Variants in SHANK2 observed in about 807,000 individuals in gnomAD.
SHANK2 encodes the protein SH3 and multiple ankyrin repeat domains 2.
SHANK2 carries 43 observed loss-of-function variants against 133.7 expected under a neutral mutation model. The ratio of observed to expected loss-of-function variants is 0.32; its 90% CI spans 0.25 to 0.41. SHANK2 has a LOEUF of 0.41. Ranked by LOEUF, SHANK2 falls within the 10% of genes least tolerant of loss-of-function variation. The pLI, the probability that SHANK2 is intolerant of heterozygous loss-of-function variation, is 1.00. For synonymous variants in SHANK2, 1,017 were observed against 952.8 expected (o/e 1.07, Z -1.24); for missense variants, 1,994 against 2,235.8 (o/e 0.89, Z 2.18).
At chr11:71,212,969 G>C (rs1362029969) in intron 2 of SHANK2, among the ~76,000 whole-genome samples, 1 of 149,642 alleles carries the variant, frequency 6.7e-6, no homozygotes, top group African/African-American at 2.5e-5. Context: ...GAGGCACAGG[G>C]AGAGGAGCAG....
rs922528289 is a variant in SHANK2 at position 70,469,261 on chromosome 11, T to A, written c.*3608A>T. The A allele has an allele frequency of 6.6e-5, 10 of 152,462 alleles. No individual in the cohort carries two copies. Among genetic ancestry groups the A allele is most frequent in the African/African-American group, 2.4e-4 (10 of 41,456 alleles). 9.4% of individuals were successfully genotyped at this position (152,462 alleles called of 1,614,324 possible). A position where few individuals can be genotyped will look rare whatever the true frequency, so the allele number is the denominator to read the frequency against. On this transcript the variant is annotated 3_prime_UTR_variant, in exon 26 of 26. Coordinates refer to ENST00000601538, the MANE Select transcript of SHANK2 (RefSeq NM_012309.5). ...AATAAGGAAATGGAACCAAGGCAGATTAGCTCAGTGACAGGAGCCTGTTTA... is the reference window on the plus strand; with the variant it reads ...AATAAGGAAATGGAACCAAGGCAGAATAGCTCAGTGACAGGAGCCTGTTTA...
At chr11:71,131,148 A>G (rs1333519932) in intron 3 of SHANK2, among the ~76,000 whole-genome samples, 3 of 152,210 alleles carry the variant, frequency 2.0e-5, no homozygotes, top group Non-Finnish European at 4.4e-5. Flanking sequence ...AACCAACATC[A>G]AGGTCACCCC....
At chr11:70,748,303 C>T (rs892612109) in intron 14 of SHANK2, among the ~76,000 whole-genome samples, 4 of 152,262 alleles carry the variant, frequency 2.6e-5, no homozygotes, top group Non-Finnish European at 4.4e-5. Context: ...CCACCAGTGC[C>T]GCAGGTCCCC....
chr11:70,637,756 G>A (rs980799133), intron 17 of SHANK2, among the ~76,000 whole-genome samples: 2 of 152,224 alleles, frequency 1.3e-5, no homozygotes, highest in South Asian at 4.1e-4. Context: ...ACAGACCTAG[G>A]TGTCAGACCC....
chr11:71,244,853 C>T (rs1230861368), intron 1 of SHANK2, among the ~76,000 whole-genome samples: 2 of 151,918 alleles, frequency 1.3e-5, no homozygotes, highest in Admixed American at 1.3e-4. Context: ...ACAAGTGTGC[C>T]CCACTGTGCC....
At chr11:70,862,010 C>G (rs574914014) in intron 11 of SHANK2, among the ~76,000 whole-genome samples, 2 of 152,166 alleles carry the variant, frequency 1.3e-5, no homozygotes, top group East Asian at 3.9e-4. Flanking sequence ...AAGTGAAAAC[C>G]TGGGAAGGAT....
At chr11:70,501,737 C>T (rs568899518) in intron 20 of SHANK2, among the ~76,000 whole-genome samples, 186 bp downstream of exon 20, 50 of 152,340 alleles carry the variant, frequency 3.3e-4, no homozygotes, top group South Asian at 2.9e-3. Context: ...GCCTGCTGTG[C>T]AGACCAGACT....
intron 11 of SHANK2, among the ~76,000 whole-genome samples, chr11:70,876,156 C>A (rs1949557851): frequency 6.8e-6 from 1 of 147,200 alleles, no homozygotes; most frequent in East Asian, 2.0e-4. Flanking sequence ...AACTCCATCT[C>A]AAAAAAAAAT....
chr11:71,174,662 G>A (rs951274154), intron 2 of SHANK2: 1 of 136,256 alleles, frequency 7.3e-6, no homozygotes, highest in South Asian at 2.4e-4. Flanking sequence ...CCTGGCGACA[G>A]AGCGAGACTC....
At chr11:71,120,408 T>A (rs1468862833) in intron 3 of SHANK2, among the ~76,000 whole-genome samples, 2 of 152,256 alleles carry the variant, frequency 1.3e-5, no homozygotes, top group African/African-American at 4.8e-5. Context: ...CTGAGGATTC[T>A]GTGGGTTTGT....
chr11:70,502,983 C>G (rs2059083142), intron 17 of SHANK2, 52 bp from the exon 18 acceptor site: 1 of 1,604,878 alleles, frequency 6.2e-7, no homozygotes, highest in African/African-American at 1.3e-5. Context: ...GAGAGGAAGA[C>G]AGTTGGCACC....
chr11:70,914,433 G>C (rs1413248997), intron 10 of SHANK2, among the ~76,000 whole-genome samples: 9 of 151,934 alleles, frequency 5.9e-5, no homozygotes, highest in African/African-American at 2.2e-4. Context: ...GCCTTCCCGG[G>C]AATACAGAGA....
chr11:70,718,972 G>A (rs531042018), intron 14 of SHANK2, among the ~76,000 whole-genome samples: 1 of 152,226 alleles, frequency 6.6e-6, no homozygotes, highest in East Asian at 1.9e-4. Context: ...ACGAATTATC[G>A]GTAAGATGGA....
chr11:70,487,143 G>T lies in SHANK2; in HGVS notation c.3150C>A (p.Gly1050=). The change falls in exon 25 of 26, where the codon GGC becomes GGA. Residue 1050 remains glycine (G), a synonymous_variant. Coordinates refer to ENST00000601538, the MANE Select transcript of SHANK2 (RefSeq NM_012309.5). This position sits in a 1 kb window ranked among gnomAD's most constrained non-coding sequence, Gnocchi z 5.8. ...CCTGGGGGTCGATCTCCATGCTGCT[G>T]CCCTGGCTGCTCTTGCCGCTGCTGC... ...STSSSGKSSQ[G]SSMEIDPQAP... The T allele has an allele frequency of 6.2e-7, 1 of 1,612,778 alleles. No homozygotes were observed.
At chr11:71,056,273 G>A (rs989757754) in intron 10 of SHANK2, among the ~76,000 whole-genome samples, 11 of 152,324 alleles carry the variant, frequency 7.2e-5, no homozygotes, top group Non-Finnish European at 1.3e-4. Flanking sequence ...GCTCTAATAG[G>A]AAGGAGCCAG....
intron 17 of SHANK2, among the ~76,000 whole-genome samples, chr11:70,536,073 C>G (rs1215029057): frequency 1.3e-5 from 2 of 152,222 alleles, no homozygotes; most frequent in Non-Finnish European, 2.9e-5. Flanking sequence ...CACCCCCAGG[C>G]CCCAGCCACC....
At chr11:70,481,349 C>T (rs1159942018) in intron 25 of SHANK2, among the ~76,000 whole-genome samples, 1 of 152,232 alleles carries the variant, frequency 6.6e-6, no homozygotes, top group African/African-American at 2.4e-5. Context: ...TCATTCACGG[C>T]TAAAGTTAAA....
At chr11:71,186,350 G>A (rs1449543461) in intron 2 of SHANK2, among the ~76,000 whole-genome samples, 2 of 152,238 alleles carry the variant, frequency 1.3e-5, no homozygotes, top group East Asian at 1.9e-4. Context: ...ACATTGAACA[G>A]TTTGGACCCG....
chr11:70,911,117 C>T lies in SHANK2; in HGVS notation c.1108-14550G>A, dbSNP rs565883531. 256 of 456,790 alleles carry T rather than the reference C, an allele frequency of 5.6e-4. 1 individual carries two copies. Among genetic ancestry groups the T allele is most frequent in the African/African-American group, 4.8e-3 (239 of 50,194 alleles). The allele number at this position is 456,790 out of a possible 1,614,324, so 28.3% of individuals were successfully genotyped here. ...CACAGGCACAGGTCTCCACATGCCT[C>T]TTTCCCCTAATTTTTTGTACTGTTT... On this transcript the variant is annotated intron_variant, in intron 10 of 25. Coordinates refer to ENST00000601538, the MANE Select transcript of SHANK2 (RefSeq NM_012309.5).
Sources: allele counts gnomAD v4.1 joint callset (sites outside exome capture counted in the v4.1 genomes callset), GRCh38; gene constraint gnomAD v4.1.1; non-coding constraint Gnocchi (gnomAD v3.1); transcripts MANE v1.5; gene names NCBI Gene and HGNC (gene_info 2026-07-23, HGNC 2026-07-21).